The following BCKDHB variants were observed in gnomAD, a reference collection of about 807,000 sequenced individuals.
The protein encoded by BCKDHB is branched chain keto acid dehydrogenase E1 subunit beta, also known as 2-oxoisovalerate dehydrogenase subunit beta, mitochondrial.
Under a neutral mutation model 48.5 loss-of-function variants are expected in BCKDHB, and 41 were observed. The observed-to-expected ratio is 0.85, with a 90% CI of 0.66 to 1.10. The LOEUF (loss-of-function observed/expected upper bound fraction) is 1.10, where lower values mean the gene tolerates loss of function less well. Ranked by LOEUF, BCKDHB falls within the 50% of genes least tolerant of loss-of-function variation. The pLI is 0.00. For missense variants in BCKDHB, 496 were observed against 494.2 expected, an observed-to-expected ratio of 1.00 and a Z score of -0.03; for synonymous variants, 201 against 174.8, an observed-to-expected ratio of 1.15 and a Z score of -1.18.
the BCKDHB span, among the ~76,000 whole-genome samples, chr6:80,395,726 C>G: frequency 1.3e-5 from 2 of 152,158 alleles, no homozygotes; most frequent in Admixed American, 1.3e-4. Context: ...ATCTCCTGGG[C>G]ATATCAGAGA....
intron 1 of BCKDHB, among the ~76,000 whole-genome samples, chr6:80,111,610 G>A (rs543885983): frequency 3.5e-4 from 54 of 152,290 alleles, no homozygotes; most frequent in South Asian, 1.0e-3. Flanking sequence ...CTGCAGGCCT[G>A]AAATAGGTAG....
chr6:80,396,559 G>A, the BCKDHB span, among the ~76,000 whole-genome samples: 3 of 152,112 alleles, frequency 2.0e-5, no homozygotes, highest in Non-Finnish European at 4.4e-5. Context: ...AATATGGTTT[G>A]GCTGTGTCCC....
At chr6:80,412,445 G>T in the BCKDHB span, among the ~76,000 whole-genome samples, 4 of 151,774 alleles carry the variant, frequency 2.6e-5, no homozygotes, top group African/African-American at 9.7e-5. Context: ...TCACACCCAG[G>T]CTATAGTTTA....
the BCKDHB span, among the ~76,000 whole-genome samples, chr6:80,396,387 C>G: frequency 6.6e-6 from 1 of 152,186 alleles, no homozygotes; most frequent in Non-Finnish European, 1.5e-5. Flanking sequence ...ATTTTACAGG[C>G]TCATAGACAG....
chr6:80,170,372 T>C (rs972808938), intron 5 of BCKDHB, among the ~76,000 whole-genome samples: 2 of 152,308 alleles, frequency 1.3e-5, no homozygotes, highest in South Asian at 4.1e-4. Flanking sequence ...CTATATAATA[T>C]TTGTCTTTAA....
intron 8 of BCKDHB, among the ~76,000 whole-genome samples, chr6:80,260,224 T>G (rs573167552): frequency 1.2e-3 from 184 of 151,842 alleles, no homozygotes; most frequent in Middle Eastern, 3.4e-3. Context: ...TGTGTGTGTG[T>G]GTGTGGGGTA....
the BCKDHB span, among the ~76,000 whole-genome samples, chr6:80,431,329 A>C: frequency 0.05 from 7,682 of 152,226 alleles, 588 homozygotes; most frequent in African/African-American, 0.16. Flanking sequence ...GTGGATGTCT[A>C]TTAGGCCTGC....
intron 1 of BCKDHB, among the ~76,000 whole-genome samples, chr6:80,108,093 C>T (rs73477974): frequency 0.051 from 7,760 of 151,984 alleles, 322 homozygotes; most frequent in South Asian, 0.19. Flanking sequence ...TTTTTATTCC[C>T]ATTTTGCAGT....
At chr6:80,226,379 G>A (rs1025500134) in intron 8 of BCKDHB, among the ~76,000 whole-genome samples, 13 of 152,260 alleles carry the variant, frequency 8.5e-5, no homozygotes, top group Middle Eastern at 3.4e-3. Flanking sequence ...GAAGGGCGGC[G>A]CATTGAAACT....
At chr6:80,459,155 G>A in the BCKDHB span, among the ~76,000 whole-genome samples, 13 of 152,140 alleles carry the variant, frequency 8.5e-5, no homozygotes, top group South Asian at 2.7e-3. Flanking sequence ...ATTGAAATTA[G>A]TATTTCAAAG....
downstream of BCKDHB, among the ~76,000 whole-genome samples, chr6:80,349,009 G>T (rs1770319760): frequency 6.6e-6 from 1 of 152,152 alleles, no homozygotes; most frequent in Non-Finnish European, 1.5e-5. Flanking sequence ...GTAAAAAGGT[G>T]TATATCTAAA....
In BCKDHB at chr6:80,343,921, G is replaced by A; in HGVS notation, c.*117G>A. 30 of 1,348,760 alleles carry A rather than the reference G, an allele frequency of 2.2e-5. No individual in the cohort carries two copies. The highest frequency in any genetic ancestry group is 3.1e-5 in the Non-Finnish European group (29 of 944,898). 83.5% of individuals were successfully genotyped at this position (1,348,760 alleles called of 1,614,324 possible). A position where few individuals can be genotyped will look rare whatever the true frequency, so the allele number is the denominator to read the frequency against. ...GATGGTAACAAACTTTGATGGTAAAGTTGGTAAAAGGCAACTTTCAGAAGA... is the reference window on the plus strand; with the variant it reads ...GATGGTAACAAACTTTGATGGTAAAATTGGTAAAAGGCAACTTTCAGAAGA... On this transcript the variant is annotated 3_prime_UTR_variant, in exon 10 of 10. Transcript: ENST00000320393.
chr6:80,232,270 T>C lies in BCKDHB; in HGVS notation c.951+29058T>C, dbSNP rs188349259. On this transcript the variant is annotated intron_variant, in intron 8 of 9. Coordinates refer to ENST00000320393, the MANE Select transcript of BCKDHB (RefSeq NM_183050.4). ...TTTAGTCTAATGCACTATAGCACTT[T>C]CTTTAACCCTTTTTTTTTTTAATCT... Among the ~76,000 whole-genome samples the C allele has an allele frequency of 6.6e-5, 10 of 152,140 alleles. No individual in the cohort carries two copies. In the East Asian group the frequency reaches 1.9e-3, roughly 29 times the overall value.
rs558448066 is a variant in BCKDHB at position 80,106,717 on chromosome 6, C to G, written c.24C>G (p.Ala8=). 6.4e-7 allele frequency: 1 copy of G among 1,552,418 alleles called. No individual in the cohort carries two copies. Among genetic ancestry groups the G allele is most frequent in the Non-Finnish European group, 8.7e-7 (1 of 1,148,728 alleles). MAVVAAA[A]GWLLRLRAAG... is the part of the protein sequence containing the mutation. ...GGATGGCGGTTGTAGCGGCGGCTGC[C>G]GGCTGGCTACTCAGGCTCAGGGCGG... The change falls in exon 1 of 10, where the codon GCC becomes GCG. Residue 8 remains alanine, a synonymous_variant. Transcript: ENST00000320393.
chr6:80,412,604 C>T, the BCKDHB span, among the ~76,000 whole-genome samples: 2 of 152,032 alleles, frequency 1.3e-5, no homozygotes, highest in African/African-American at 4.8e-5. Flanking sequence ...TATATACTTA[C>T]CTTCATCCAT....
At chr6:80,339,550 T>C (rs1009166570) in intron 9 of BCKDHB, among the ~76,000 whole-genome samples, 1 of 152,238 alleles carries the variant, frequency 6.6e-6, no homozygotes. Context: ...ATAATGTGCA[T>C]AGCAATCCAG....
chr6:80,164,075 A>C (rs1416800996), intron 3 of BCKDHB, among the ~76,000 whole-genome samples: 1 of 152,182 alleles, frequency 6.6e-6, no homozygotes, highest in Non-Finnish European at 1.5e-5. Flanking sequence ...TCCTGTTGAA[A>C]TGCAGCTCAG....
the BCKDHB span, among the ~76,000 whole-genome samples, chr6:80,392,488 T>G: frequency 1.3e-5 from 2 of 152,026 alleles, no homozygotes; most frequent in East Asian, 1.9e-4. Context: ...TTTCCTAGTT[T>G]ATTATGGTTT....
At chr6:80,335,496 A>G (rs1769543250) in intron 9 of BCKDHB, among the ~76,000 whole-genome samples, 1 of 152,086 alleles carries the variant, frequency 6.6e-6, no homozygotes, top group South Asian at 2.1e-4. Context: ...GAGAAGCTTC[A>G]GCGTCTGTGG....
Sources: allele counts gnomAD v4.1 joint callset (sites outside exome capture counted in the v4.1 genomes callset), GRCh38; gene constraint gnomAD v4.1.1; transcripts MANE v1.5; gene names NCBI Gene and HGNC (gene_info 2026-07-23, HGNC 2026-07-21).